Variants in PTPRD observed in about 807,000 individuals in gnomAD.
The protein encoded by PTPRD is protein tyrosine phosphatase receptor type D.
PTPRD carries 34 observed loss-of-function variants against 214.5 expected under a neutral mutation model. The observed-to-expected ratio is 0.16, with a 90% CI of 0.12 to 0.21. PTPRD has a LOEUF of 0.21. Among genes scored for constraint, PTPRD ranks in the 10% least tolerant of loss-of-function variants. The probability of loss-of-function intolerance (pLI) is 1.00; values close to 1 mark genes in which losing one functional copy is unlikely to be tolerated. For missense variants in PTPRD, 2,545 were observed against 2,398.7 expected, an observed-to-expected ratio of 1.06 and a Z score of -1.27; for synonymous variants, 1,128 against 845.7, an observed-to-expected ratio of 1.33 and a Z score of -5.79.
At chr9:9,393,314 A>G (rs1305960176) in intron 9 of PTPRD, among the ~76,000 whole-genome samples, 1 of 152,162 alleles carries the variant, frequency 6.6e-6, no homozygotes, top group East Asian at 1.9e-4. Context: ...CAAGCTTGAT[A>G]CCAGGAGAGG....
chr9:8,629,332 T>C (rs2096167677), intron 14 of PTPRD, among the ~76,000 whole-genome samples: 2 of 151,866 alleles, frequency 1.3e-5, no homozygotes, highest in Admixed American at 6.6e-5. Context: ...TTTCCCTGCC[T>C]AGTGATTGAT....
At chr9:9,033,338 C>T (rs1406648043) in intron 10 of PTPRD, among the ~76,000 whole-genome samples, 1 of 152,112 alleles carries the variant, frequency 6.6e-6, no homozygotes, top group Non-Finnish European at 1.5e-5. Flanking sequence ...TAAGAATTAG[C>T]TGACTTGCCC....
chr9:10,198,443 G>C (rs1173078979), intron 3 of PTPRD, among the ~76,000 whole-genome samples: 5 of 152,072 alleles, frequency 3.3e-5, no homozygotes, highest in Non-Finnish European at 7.4e-5. Context: ...AACAAATGGA[G>C]TACAGTAATA....
chr9:8,492,014 C>CT (rs762946064), intron 27 of PTPRD, among the ~76,000 whole-genome samples: 17 of 152,186 alleles, frequency 1.1e-4, no homozygotes, highest in Admixed American at 3.3e-4. Flanking sequence ...CCAGATTTTC[C>CT]TTCATGCTGG....
intron 35 of PTPRD, among the ~76,000 whole-genome samples, chr9:8,414,574 T>G (rs2093760320): frequency 6.6e-6 from 1 of 152,078 alleles, no homozygotes; most frequent in Non-Finnish European, 1.5e-5. Flanking sequence ...GGAAGGAATG[T>G]GATCAGATGG....
At chr9:8,631,730 T>G (rs1000965636) in intron 14 of PTPRD, among the ~76,000 whole-genome samples, 5 of 151,908 alleles carry the variant, frequency 3.3e-5, no homozygotes, top group African/African-American at 1.2e-4. Context: ...CACTAAAGCA[T>G]AAGGTCCATT....
rs994349500 is a variant in PTPRD, at chr9:9,548,649, A to G, written c.-237+26083T>C. 3.3e-5 allele frequency among the ~76,000 whole-genome samples: 5 copies of G among 151,876 alleles called. No homozygotes were observed. In the East Asian group the frequency reaches 9.7e-4, roughly 30 times the overall value. On this transcript the variant is annotated intron_variant, in intron 8 of 45. Coordinates refer to ENST00000381196, the MANE Select transcript of PTPRD (RefSeq NM_002839.4). ...GATACACTTTTAAAGTAAAGACACA[A>G]AAGAGTTAAAAGCAAAAGTATGATA...
rs185545832 is a variant in PTPRD at position 10,086,134 on chromosome 9, C to T, written c.-544-52344G>A. 9.1e-4 allele frequency among the ~76,000 whole-genome samples: 138 copies of T among 151,612 alleles called. No individual in the cohort carries two copies. In the South Asian group the frequency reaches 0.011, roughly 12 times the overall value. On this transcript the variant is annotated intron_variant, in intron 3 of 45. Coordinates refer to ENST00000381196, the MANE Select transcript of PTPRD (RefSeq NM_002839.4). ...TAAAGGTTTTAGCATATTGGGGGCACGTAATGAGGGCTAAAAATGGGTGTA... is the reference window on the plus strand; with the variant it reads ...TAAAGGTTTTAGCATATTGGGGGCATGTAATGAGGGCTAAAAATGGGTGTA...
chr9:8,633,401 G>T lies in PTPRD; in HGVS notation c.268C>A (p.Pro90Thr), dbSNP rs2154320642. The change falls in exon 14 of 46, where the codon CCG (proline) becomes ACG (threonine). Residue 90 changes from proline to threonine, a missense_variant. By Grantham distance (38) the Pro-to-Thr change is conservative. Transcript: ENST00000381196. ...CATTCATAAATGGCCTCATCCCTCG[G>T]AGTCCGTAAGGGTTGTATTCTGAGA... ...SVLRIQPLRT[P>T]RDEAIYECVA... 6.2e-7 allele frequency: 1 copy of T among 1,612,756 alleles called. No individual in the cohort carries two copies. Among genetic ancestry groups the T allele is most frequent in the Non-Finnish European group, 8.5e-7 (1 of 1,179,128 alleles).
intron 2 of PTPRD, among the ~76,000 whole-genome samples, chr9:10,516,588 T>C (rs1043898654): frequency 4.6e-5 from 7 of 151,996 alleles, no homozygotes; most frequent in Non-Finnish European, 1.0e-4. Context: ...GTAGACATAC[T>C]TGTTTATTTT....
intron 6 of PTPRD, among the ~76,000 whole-genome samples, chr9:9,765,075 C>T (rs774613737): frequency 6.6e-6 from 1 of 152,108 alleles, no homozygotes; most frequent in African/African-American, 2.4e-5. Flanking sequence ...TCTGGCAGTG[C>T]ACGTCAGCTG....
In PTPRD at chr9:9,184,751, G is replaced by A. The variant is rs150330509; in HGVS notation, c.-202-1388C>T. Among the ~76,000 whole-genome samples the A allele has an allele frequency of 4.0e-4, 61 of 152,110 alleles. No homozygotes were observed. The East Asian group carries it at 0.011, about 29-fold the overall frequency. ...TTGTCTTGTTTGAGGTTTTAGCTGA[G>A]CGCTTGACACAGAAAATAGCATATA... On this transcript the variant is annotated intron_variant, in intron 9 of 45. Coordinates refer to ENST00000381196, the MANE Select transcript of PTPRD (RefSeq NM_002839.4).
intron 14 of PTPRD, among the ~76,000 whole-genome samples, chr9:8,556,316 A>C (rs905987636): frequency 6.6e-6 from 1 of 152,230 alleles, no homozygotes; most frequent in Admixed American, 6.5e-5. Context: ...GTCAAAGTTG[A>C]AATTCTGTTG....
At chr9:10,583,530 C>A (rs910125906) in intron 2 of PTPRD, among the ~76,000 whole-genome samples, 2 of 151,912 alleles carry the variant, frequency 1.3e-5, no homozygotes, top group African/African-American at 4.8e-5. Flanking sequence ...GGGCTCACTG[C>A]AAGCTCCGCC....
intron 4 of PTPRD, among the ~76,000 whole-genome samples, chr9:9,952,812 C>A (rs1476175399): frequency 6.6e-6 from 1 of 152,044 alleles, no homozygotes. Context: ...CTATGGAGAC[C>A]AGGAGATAAA....
chr9:9,327,184 T>G (rs2040306356), intron 9 of PTPRD, among the ~76,000 whole-genome samples: 1 of 152,164 alleles, frequency 6.6e-6, no homozygotes, highest in Non-Finnish European at 1.5e-5. Flanking sequence ...TCATTTATAT[T>G]GAGTAGAAGC....
intron 2 of PTPRD, among the ~76,000 whole-genome samples, chr9:10,588,473 C>A (rs930939512): frequency 6.7e-6 from 1 of 149,522 alleles, no homozygotes; most frequent in Non-Finnish European, 1.5e-5. Flanking sequence ...GATAGTTATA[C>A]AAACAAACCA....
chr9:9,391,061 T>C (rs1014985060), intron 9 of PTPRD, among the ~76,000 whole-genome samples: 3 of 152,200 alleles, frequency 2.0e-5, no homozygotes, highest in African/African-American at 4.8e-5. Flanking sequence ...CTGCATTAAG[T>C]GCACTAATTG....
chr9:10,131,906 A>C (rs532960906), intron 3 of PTPRD, among the ~76,000 whole-genome samples: 1 of 152,292 alleles, frequency 6.6e-6, no homozygotes, highest in Admixed American at 6.5e-5. Context: ...AAATCAAAAA[A>C]TATGCTCAAA....
Sources: allele counts gnomAD v4.1 joint callset (sites outside exome capture counted in the v4.1 genomes callset), GRCh38; gene constraint gnomAD v4.1.1; transcripts MANE v1.5; gene names NCBI Gene and HGNC (gene_info 2026-07-23, HGNC 2026-07-21).